Variants in GCSAM observed in about 807,000 individuals in gnomAD.
GCSAM encodes the protein germinal center-associated signaling and motility protein.
GCSAM carries 8 observed loss-of-function variants against 17.6 expected under a neutral mutation model. The ratio of observed to expected loss-of-function variants is 0.46; its 90% CI spans 0.27 to 0.82. The LOEUF is 0.82. GCSAM is among the 40% of genes least tolerant of loss of function. The pLI, the probability that GCSAM is intolerant of heterozygous loss-of-function variation, is 0.15. For synonymous variants in GCSAM, 68 were observed against 69.0 expected (o/e 0.98, Z 0.07); for missense variants, 192 against 213.5 (o/e 0.90, Z 0.63).
At chr3:112,128,884 T>C (rs972461635) in intron 2 of GCSAM, 4 of 152,286 alleles carry the variant, frequency 2.6e-5, no homozygotes, top group African/African-American at 9.7e-5. Flanking sequence ...CTTTATAAAG[T>C]AGTATCAGTT....
Position 112,128,026 on chromosome 3 carries a change from C to A in GCSAM, c.134G>T (p.Cys45Phe). The change falls in exon 3 of 6, where the codon TGC becomes TTC. Residue 45 changes from cysteine (C) to phenylalanine (F), a missense_variant. Coordinates refer to ENST00000308910, the MANE Select transcript of GCSAM (RefSeq NM_152785.5). ...ACAACTGTCCACTCACCATGGAAGG[C>A]AGAAACACCCTTCAGCGATATGGTG... The part of the protein sequence containing the change: ...WDHHIAEGCF[C>F]LPWKKILIFE... The A allele has an allele frequency of 1.2e-6, 2 of 1,613,596 alleles. No homozygotes were observed. Among genetic ancestry groups the A allele is most frequent in the Non-Finnish European group, 1.7e-6 (2 of 1,179,590 alleles).
rs993694874 is a variant in GCSAM, at chr3:112,123,294, C to T, written c.*161G>A. ...GTTGATCTTTAGATTTTGGCTTTTG[C>T]GTGCTAAGAGGGCTTGTGGTATACA... is the stretch of plus-strand genomic sequence containing the variant. On this transcript the variant is annotated 3_prime_UTR_variant, in exon 6 of 6. Coordinates refer to ENST00000308910, the MANE Select transcript of GCSAM (RefSeq NM_152785.5). 43 of 1,367,416 alleles carry T rather than the reference C, an allele frequency of 3.1e-5. No homozygotes were observed. Among genetic ancestry groups the T allele is most frequent in the Middle Eastern group, 2.6e-4 (1 of 3,776 alleles). The allele number at this position is 1,367,416 out of a possible 1,614,324, so 84.7% of individuals were successfully genotyped here.
At chr3:112,123,821 C>T (rs1448057481) in intron 5 of GCSAM, 49 bp from the exon 6 acceptor site, 2 of 1,567,908 alleles carry the variant, frequency 1.3e-6, no homozygotes, top group African/African-American at 1.4e-5. Context: ...CTTGCCATGA[C>T]CTTTACATTT....
In GCSAM at chr3:112,132,964, A is replaced by G. The variant is rs1343849358; in HGVS notation, c.29+128T>C. On this transcript the variant is annotated intron_variant, in intron 1 of 5. Transcript: ENST00000308910. ...ACAGAGTAGGCACTGAAGGCTTGGC[A>G]GTTTCCTTACCCAACTACTTTCTAC... The G allele has an allele frequency of 6.6e-6, 6 of 907,746 alleles. No individual in the cohort carries two copies. The Admixed American group carries it at 1.3e-4, about 20-fold the overall frequency. 56.2% of individuals were successfully genotyped at this position (907,746 alleles called of 1,614,324 possible).
At chr3:112,125,177 TG>T in intron 5 of GCSAM, 48 bp downstream of exon 5, 1 of 1,232,646 alleles carries the variant, frequency 8.1e-7, no homozygotes, top group Non-Finnish European at 1.2e-6. Context: ...TTAGGGTGTC[TG>T]TACTTCTATC....
rs955012982 is a variant in GCSAM at position 112,123,871 on chromosome 3, TC to T, written c.220-100del. ...GCTTGACCCTTGGTCAAGTCTGTCT[TC>T]TATGACCACCTCCTCCCCATCTCTT... On this transcript the variant is annotated intron_variant, in intron 5 of 5. Transcript: ENST00000308910. 8.9e-5 allele frequency: 114 copies of T among 1,275,050 alleles called. No homozygotes were observed. The African/African-American group carries it at 1.5e-3, about 17-fold the overall frequency. The allele number at this position is 1,275,050 out of a possible 1,614,324, so 79.0% of individuals were successfully genotyped here.
chr3:112,123,802 A>G, intron 5 of GCSAM, 30 bp from the exon 6 acceptor site: 1 of 1,594,168 alleles, frequency 6.3e-7, no homozygotes, highest in Non-Finnish European at 8.6e-7. Context: ...CATCATCAAG[A>G]TTTGGTCTCT....
chr3:112,131,569 C>A (rs2074452832), intron 1 of GCSAM, among the ~76,000 whole-genome samples: 1 of 152,170 alleles, frequency 6.6e-6, no homozygotes, highest in East Asian at 1.9e-4. Context: ...TCAAGCAATC[C>A]TCCTGCCTCA....
intron 2 of GCSAM, chr3:112,130,179 T>G (rs2074418606): frequency 2.3e-6 from 1 of 437,292 alleles, no homozygotes; most frequent in Non-Finnish European, 4.1e-6. Context: ...AATAAGACCT[T>G]TTATTTTATA....
chr3:112,127,065 A>G lies in GCSAM; in HGVS notation c.144-32T>C, dbSNP rs148460372. 1.2e-5 allele frequency: 17 copies of G among 1,395,906 alleles called. No individual in the cohort carries two copies. The East Asian group carries it at 2.7e-4, about 23-fold the overall frequency. The allele number at this position is 1,395,906 out of a possible 1,614,324, so 86.5% of individuals were successfully genotyped here. A position where few individuals can be genotyped will look rare whatever the true frequency, so the allele number is the denominator to read the frequency against. On this transcript the variant is annotated intron_variant, in intron 3 of 5. Transcript: ENST00000308910. ...AAGAAAAGCAAAGCAAATTGTTTTA[A>G]TATTCAGAAACTCTCAAAGGAAATG...
chr3:112,128,647 A>G (rs2074384176), intron 2 of GCSAM: 1 of 185,508 alleles, frequency 5.4e-6, no homozygotes, highest in Admixed American at 5.4e-5. Flanking sequence ...GAAGATATGA[A>G]TACAGAATGA....
Position 112,125,188 on chromosome 3 carries a change from C to A in GCSAM, c.219+38G>T, listed in dbSNP as rs761244263. ...CCATTTAGGGTGTCTGTACTTCTAT[C>A]ATCATCTCAAAAAATAGCTTAGAGA... On this transcript the variant is annotated intron_variant, in intron 5 of 5. Coordinates refer to ENST00000308910, the MANE Select transcript of GCSAM (RefSeq NM_152785.5). The A allele has an allele frequency of 5.1e-6, 7 of 1,383,842 alleles. No homozygotes were observed. In the Admixed American group the frequency reaches 8.4e-5, roughly 17 times the overall value. The allele number at this position is 1,383,842 out of a possible 1,614,324, so 85.7% of individuals were successfully genotyped here.
intron 2 of GCSAM, chr3:112,128,287 C>T: frequency 3.0e-6 from 2 of 675,222 alleles, no homozygotes; most frequent in Non-Finnish European, 5.4e-6. Flanking sequence ...CTGCTGTGTT[C>T]CCAGCAAAGG....
In GCSAM at chr3:112,133,127, A is replaced by C. The variant is rs372283218; in HGVS notation, c.-7T>G. The C allele has an allele frequency of 3.7e-6, 6 of 1,613,790 alleles. No homozygotes were observed. Among genetic ancestry groups the C allele is most frequent in the Admixed American group, 3.3e-5 (2 of 60,012 alleles). ...TCAGCAGAGAATTTCCCATCCTCTC[A>C]GTCCTCTCAGGGCTTCCCCTCCGTC... On this transcript the variant is annotated 5_prime_UTR_variant, in exon 1 of 6. Coordinates refer to ENST00000308910, the MANE Select transcript of GCSAM (RefSeq NM_152785.5).
chr3:112,126,737 C>T (rs977577921), intron 4 of GCSAM, among the ~76,000 whole-genome samples: 2 of 152,168 alleles, frequency 1.3e-5, no homozygotes, highest in African/African-American at 4.8e-5. Flanking sequence ...GTATCCTTGC[C>T]CCCAGTTACT....
intron 3 of GCSAM, among the ~76,000 whole-genome samples, chr3:112,127,601 C>T (rs1362461001): frequency 1.3e-5 from 2 of 152,144 alleles, no homozygotes. Flanking sequence ...AATCACTTAG[C>T]GAGCTTTAAC....
At chr3:112,132,320 C>G in intron 1 of GCSAM, among the ~76,000 whole-genome samples, 1 of 152,098 alleles carries the variant, frequency 6.6e-6, no homozygotes, top group East Asian at 1.9e-4. Context: ...CCAAACATAA[C>G]CCTGTGAAGA....
chr3:112,122,395 G>A lies in GCSAM; in HGVS notation c.*1060C>T, dbSNP rs2074217276. 1 of 152,288 alleles carries A rather than the reference G, an allele frequency of 6.6e-6. No individual in the cohort carries two copies. The highest frequency in any genetic ancestry group is 2.1e-4 in the South Asian group (1 of 4,822). The allele number at this position is 152,288 out of a possible 1,614,324, so 9.4% of individuals were successfully genotyped here. On this transcript the variant is annotated 3_prime_UTR_variant, in exon 6 of 6. Coordinates refer to ENST00000308910, the MANE Select transcript of GCSAM (RefSeq NM_152785.5). ...ATCTATAAAAACAGGGAGTGGGCTAGATTTGGCCTGGGGGTTATAGTTTGC... is the reference window on the plus strand; with the variant it reads ...ATCTATAAAAACAGGGAGTGGGCTAAATTTGGCCTGGGGGTTATAGTTTGC...
At chr3:112,131,867 T>C (rs528953915) in intron 1 of GCSAM, among the ~76,000 whole-genome samples, 24 of 152,242 alleles carry the variant, frequency 1.6e-4, no homozygotes, top group African/African-American at 5.5e-4. Flanking sequence ...TTCTTTAAAA[T>C]AAATAAAAAA....
Sources: allele counts gnomAD v4.1 joint callset (sites outside exome capture counted in the v4.1 genomes callset), GRCh38; gene constraint gnomAD v4.1.1; transcripts MANE v1.5; gene names NCBI Gene and HGNC (gene_info 2026-07-23, HGNC 2026-07-21).